The following MPHOSPH8 variants were observed in gnomAD, a reference collection of about 807,000 sequenced individuals.
MPHOSPH8 encodes the protein M-phase phosphoprotein, mpp.
In MPHOSPH8, 45 loss-of-function variants were observed where a neutral mutation model predicts 87.3. The observed-to-expected ratio is 0.52, with a 90% CI of 0.41 to 0.66. The LOEUF (loss-of-function observed/expected upper bound fraction) is 0.66, where lower values mean the gene tolerates loss of function less well. MPHOSPH8 is among the 30% of genes least tolerant of loss of function. MPHOSPH8 has a pLI of 0.00. For synonymous variants in MPHOSPH8, 366 were observed against 376.9 expected (o/e 0.97, Z 0.33); for missense variants, 883 against 1,020.2 (o/e 0.87, Z 1.83).
rs1451018448 is a variant in MPHOSPH8 at position 19,673,088 on chromosome 13, GTTTTTTTTTGTT to G, written c.*1223_*1234del. 3.4e-6 allele frequency: 1 copy of G among 291,980 alleles called. No individual in the cohort carries two copies. The highest frequency in any genetic ancestry group is 4.1e-5 in the African/African-American group (1 of 24,138). 18.1% of individuals were successfully genotyped at this position (291,980 alleles called of 1,614,324 possible). A position where few individuals can be genotyped will look rare whatever the true frequency, so the allele number is the denominator to read the frequency against. Reference sequence around the variant, plus strand: ...AAAAAAGTTTCTTGGAACCTATACGGTTTTTTTTTGTTTTTTTTTTTTGAAAAGCCAGACCTT... The same window carrying G: ...AAAAAAGTTTCTTGGAACCTATACGGTTTTTTTTTTGAAAAGCCAGACCTT... On this transcript the variant is annotated 3_prime_UTR_variant, in exon 14 of 14. Coordinates refer to ENST00000361479, the MANE Select transcript of MPHOSPH8 (RefSeq NM_017520.4).
intron 1 of MPHOSPH8, among the ~76,000 whole-genome samples, chr13:19,638,343 G>A (rs1047413327): frequency 1.3e-4 from 20 of 151,946 alleles, no homozygotes; most frequent in South Asian, 4.2e-4. Flanking sequence ...GGCTGGGCAC[G>A]GTGGCTCACA....
chr13:19,646,373 T>C (rs1874562744), intron 2 of MPHOSPH8, 70 bp from the exon 3 acceptor site: 1 of 1,215,320 alleles, frequency 8.2e-7, no homozygotes. Flanking sequence ...CAAATTTCAT[T>C]AGTACTACTT....
At chr13:19,650,417 G>A in intron 5 of MPHOSPH8, 157 bp downstream of exon 5, 2 of 829,800 alleles carry the variant, frequency 2.4e-6, no homozygotes, top group Non-Finnish European at 3.5e-6. Context: ...ATTGAAGACG[G>A]GTCATTCTGT....
Position 19,661,241 on chromosome 13 carries a change from T to C in MPHOSPH8, c.1792-457T>C, listed in dbSNP as rs76513743. ...GCATATAAAATTTAGGTTTACACTA[T>C]ACTGTAGTCTAAATGTGAATAGCAT... On this transcript the variant is annotated intron_variant, in intron 7 of 13. Transcript: ENST00000361479. Among the ~76,000 whole-genome samples the C allele has an allele frequency of 8.8e-3, 1,339 of 152,394 alleles. 23 individuals carry two copies. The highest frequency in any genetic ancestry group is 0.03 in the African/African-American group (1,260 of 41,598).
intron 9 of MPHOSPH8, among the ~76,000 whole-genome samples, chr13:19,665,436 TG>T (rs1333943209): frequency 6.6e-6 from 1 of 152,208 alleles, no homozygotes; most frequent in East Asian, 1.9e-4. Context: ...CAGGCTCTGT[TG>T]GTCCCAGAAG....
At chr13:19,661,631 G>A in intron 7 of MPHOSPH8, 67 bp from the exon 8 acceptor site, 1 of 1,474,732 alleles carries the variant, frequency 6.8e-7, no homozygotes, top group Non-Finnish European at 9.1e-7. Flanking sequence ...TCTCGAGTGA[G>A]AAGACTTGGT....
intron 8 of MPHOSPH8, among the ~76,000 whole-genome samples, chr13:19,662,447 A>G (rs549356957): frequency 2.0e-5 from 3 of 152,126 alleles, no homozygotes; most frequent in East Asian, 1.9e-4. Flanking sequence ...TTGTAAAGAC[A>G]TGGTCTCACT....
chr13:19,671,746 A>G, intron 13 of MPHOSPH8, 88 bp from the exon 14 acceptor site: 2 of 1,200,776 alleles, frequency 1.7e-6, no homozygotes, highest in Non-Finnish European at 2.5e-6. Flanking sequence ...AAATAATAGA[A>G]GCAAATCTTG....
intron 9 of MPHOSPH8, among the ~76,000 whole-genome samples, chr13:19,666,108 G>A (rs1267335231): frequency 1.3e-5 from 2 of 152,186 alleles, no homozygotes; most frequent in East Asian, 3.9e-4. Flanking sequence ...AGCAAGGCCT[G>A]GTGTCTGTTC....
At chr13:19,648,613 A>T (rs1157626768) in intron 4 of MPHOSPH8, 92 bp downstream of exon 4, 18 of 522,832 alleles carry the variant, frequency 3.4e-5, no homozygotes, top group Non-Finnish European at 4.6e-5. Context: ...AATTTATATA[A>T]TTTTTTTTCC....
rs921856841 is a variant in MPHOSPH8, at chr13:19,666,536, A to C, written c.2131A>C (p.Asn711His). Residue 711 changes from asparagine (N) to histidine (H), a missense_variant, in exon 10 of 14, where the codon AAC (asparagine) becomes CAC (histidine). By Grantham distance (68) the Asn-to-His change is moderately conservative. Around this residue, in one of 3 missense-constraint regions of MPHOSPH8, gnomAD observed 741 missense variants for 841.5 expected, o/e 0.88. Transcript: ENST00000361479. The stretch of plus-strand genomic sequence containing the variant: ...TGCCCTGCACTTTGCGAAGCAGTCT[A>C]ACAATGTGCTTGTGTACGACTTGCT... Reference protein sequence around the residue: ...NSALHFAKQSNNVLVYDLLKN... With the variant: ...NSALHFAKQSHNVLVYDLLKN... The C allele has an allele frequency of 6.2e-7, 1 of 1,601,766 alleles. No homozygotes were observed. The highest frequency in any genetic ancestry group is 8.5e-7 in the Non-Finnish European group (1 of 1,169,942).
rs1451667179 is a variant in MPHOSPH8, at chr13:19,647,317, A to G, written c.1218+26A>G. ...GTAAGGGCCACGGGAGGCAGCAGAA[A>G]ACCCATGTTGAGTGGTCAAGACATT... On this transcript the variant is annotated intron_variant, in intron 3 of 13. Transcript: ENST00000361479. 25 of 1,553,818 alleles carry G rather than the reference A, an allele frequency of 1.6e-5. No homozygotes were observed. In the African/African-American group the frequency reaches 2.4e-4, roughly 15 times the overall value.
chr13:19,637,349 T>A (rs1336999370), intron 1 of MPHOSPH8, among the ~76,000 whole-genome samples: 1 of 152,226 alleles, frequency 6.6e-6, no homozygotes, highest in Non-Finnish European at 1.5e-5. Flanking sequence ...AATGTAAGAA[T>A]TAGATAGACT....
Position 19,649,774 on chromosome 13 carries a change from C to T in MPHOSPH8, c.1319-229C>T, listed in dbSNP as rs187853010. ...TGAGTAGTTCAGAACATCTGCTTAA[C>T]AGCCATTCACACTGGACATCCTTTC... On this transcript the variant is annotated intron_variant, in intron 4 of 13. Coordinates refer to ENST00000361479, the MANE Select transcript of MPHOSPH8 (RefSeq NM_017520.4). Among the ~76,000 whole-genome samples, 480 of 152,358 alleles carry T rather than the reference C, an allele frequency of 3.2e-3. 5 individuals are homozygous for T. The highest frequency in any genetic ancestry group is 0.011 in the African/African-American group (463 of 41,584).
intron 1 of MPHOSPH8, among the ~76,000 whole-genome samples, chr13:19,641,832 C>T (rs1331192462): frequency 1.3e-5 from 2 of 152,004 alleles, no homozygotes; most frequent in African/African-American, 2.4e-5. Flanking sequence ...CAAGGTTTCA[C>T]CATGTTGGTC....
At chr13:19,649,937 T>A in intron 4 of MPHOSPH8, 66 bp from the exon 5 acceptor site, 1 of 1,303,852 alleles carries the variant, frequency 7.7e-7, no homozygotes, top group Non-Finnish European at 1.1e-6. Flanking sequence ...CTAAGTTAGA[T>A]TTTCTTTTGA....
chr13:19,662,860 A>G (rs1875617821), intron 8 of MPHOSPH8, among the ~76,000 whole-genome samples, 180 bp from the exon 9 acceptor site: 1 of 152,236 alleles, frequency 6.6e-6, no homozygotes, highest in Non-Finnish European at 1.5e-5. Context: ...GTGAGTGGCC[A>G]CGTTTGGGCC....
intron 5 of MPHOSPH8, among the ~76,000 whole-genome samples, chr13:19,653,428 A>G (rs1016583217): frequency 1.3e-5 from 2 of 152,204 alleles, no homozygotes; most frequent in Non-Finnish European, 2.9e-5. Flanking sequence ...AACATCAAAG[A>G]CCAAAGGTAG....
chr13:19,672,749 C>CTT lies in MPHOSPH8; in HGVS notation c.*875_*876insTT, dbSNP rs1298633067. On this transcript the variant is annotated 3_prime_UTR_variant, in exon 14 of 14. Transcript: ENST00000361479. Reference sequence around the variant, plus strand: ...TCTTTTCAAAGGGTAACAAGAGAATCTAAGATGTAGTAAGAATGTAAACCA... The same window carrying CTT: ...TCTTTTCAAAGGGTAACAAGAGAATCTTTAAGATGTAGTAAGAATGTAAACCA... 1 of 171,714 alleles carries CTT rather than the reference C, an allele frequency of 5.8e-6. No individual in the cohort carries two copies. The highest frequency in any genetic ancestry group is 1.3e-5 in the Non-Finnish European group (1 of 79,148). The allele number at this position is 171,714 out of a possible 1,614,324, so 10.6% of individuals were successfully genotyped here. A position where few individuals can be genotyped will look rare whatever the true frequency, so the allele number is the denominator to read the frequency against.
Sources: allele counts gnomAD v4.1 joint callset (sites outside exome capture counted in the v4.1 genomes callset), GRCh38; gene constraint gnomAD v4.1.1; regional missense constraint gnomAD v4.1.1; transcripts MANE v1.5; gene names NCBI Gene and HGNC (gene_info 2026-07-23, HGNC 2026-07-21).